Variants in COL21A1 observed in about 807,000 individuals in gnomAD.
The protein encoded by COL21A1 is collagen alpha-1(XXI) chain.
Under a neutral mutation model 137.9 loss-of-function variants are expected in COL21A1, and 149 were observed. That is an observed-to-expected ratio of 1.08 (90% confidence interval 0.95 to 1.24). The LOEUF (loss-of-function observed/expected upper bound fraction) is 1.24, where lower values mean the gene tolerates loss of function less well. Ranked by LOEUF, COL21A1 falls within the 50% of genes most tolerant of loss-of-function variation. The probability of loss-of-function intolerance (pLI) is 0.00; values close to 1 mark genes in which losing one functional copy is unlikely to be tolerated. For synonymous variants in COL21A1, 456 were observed against 391.5 expected (o/e 1.16, Z -1.95); for missense variants, 1,167 against 1,158.4 (o/e 1.01, Z -0.11).
rs1234461361 is a variant in COL21A1 at position 56,060,127 on chromosome 6, A to G, written c.2499T>C (p.Pro833=). 6.2e-7 allele frequency: 1 copy of G among 1,610,898 alleles called. No individual in the cohort carries two copies. Among genetic ancestry groups the G allele is most frequent in the African/African-American group, 1.3e-5 (1 of 74,716 alleles). The change falls in exon 28 of 30, where the codon CCT becomes CCC. Residue 833 remains proline, a synonymous_variant. Transcript: ENST00000244728. ...TGGGACCCTCTGGGCCTATCGGACC[A>G]GGTGGCCCAGGAATACCCGGGGAGC... ...QHGSPGIPGP[P]GPIGPEGPRG...
intron 1 of COL21A1, among the ~76,000 whole-genome samples, chr6:56,338,563 G>C (rs1448070205): frequency 6.6e-6 from 1 of 152,166 alleles, no homozygotes; most frequent in Non-Finnish European, 1.5e-5. Context: ...AATGGACCAA[G>C]TGAAAACTCA....
chr6:56,161,996 T>C (rs1185233416), intron 9 of COL21A1, among the ~76,000 whole-genome samples: 1 of 152,194 alleles, frequency 6.6e-6, no homozygotes, highest in East Asian at 1.9e-4. Flanking sequence ...CTCGATTTGA[T>C]GGACTTCTGC....
At chr6:56,166,146 T>C (rs1776566759) in intron 7 of COL21A1, among the ~76,000 whole-genome samples, 3 of 152,048 alleles carry the variant, frequency 2.0e-5, no homozygotes, top group Admixed American at 2.0e-4. Context: ...GAAAAATAAT[T>C]ATTTCTTGCT....
chr6:56,271,559 G>A (rs1442715261), intron 1 of COL21A1, among the ~76,000 whole-genome samples: 1 of 152,228 alleles, frequency 6.6e-6, no homozygotes, highest in Non-Finnish European at 1.5e-5. Flanking sequence ...TTTCTGGGGA[G>A]GAATTCAAGC....
intron 16 of COL21A1, among the ~76,000 whole-genome samples, chr6:56,104,598 GA>G (rs35691156): frequency 6.6e-6 from 1 of 152,024 alleles, no homozygotes; most frequent in African/African-American, 2.4e-5. Context: ...TTTGGCATTT[GA>G]AAAAGTATAA....
intron 16 of COL21A1, among the ~76,000 whole-genome samples, chr6:56,103,866 C>T (rs929591724): frequency 5.3e-5 from 8 of 152,078 alleles, no homozygotes; most frequent in Non-Finnish European, 1.0e-4. Context: ...TCTGGGGCAA[C>T]CCCTGGAATC....
At chr6:56,169,517 C>T (rs568147428) in intron 5 of COL21A1, among the ~76,000 whole-genome samples, 1 of 151,938 alleles carries the variant, frequency 6.6e-6, no homozygotes, top group South Asian at 2.1e-4. Flanking sequence ...GGGCTTACAC[C>T]TAGATAGCTT....
intron 1 of COL21A1, among the ~76,000 whole-genome samples, chr6:56,376,892 C>T (rs1355613264): frequency 7.5e-6 from 1 of 134,134 alleles, no homozygotes; most frequent in African/African-American, 2.8e-5. Flanking sequence ...AAATCACCTT[C>T]ATAAGAACCA....
intron 1 of COL21A1, among the ~76,000 whole-genome samples, chr6:56,269,413 T>C (rs1312395444): frequency 2.6e-5 from 4 of 151,952 alleles, no homozygotes; most frequent in African/African-American, 9.7e-5. Context: ...CCCAGCACTT[T>C]GGGAGGCCGA....
intron 1 of COL21A1, among the ~76,000 whole-genome samples, chr6:56,341,869 A>G (rs1206095470): frequency 3.3e-5 from 5 of 152,204 alleles, no homozygotes; most frequent in Non-Finnish European, 7.3e-5. Flanking sequence ...CAATTTTGCT[A>G]TGAATGTTAA....
At chr6:56,085,892 C>A (rs1233951201) in intron 17 of COL21A1, among the ~76,000 whole-genome samples, 1 of 148,750 alleles carries the variant, frequency 6.7e-6, no homozygotes, top group East Asian at 1.9e-4. Context: ...AAGAGAGTAT[C>A]ATTTATTTAT....
intron 1 of COL21A1, among the ~76,000 whole-genome samples, chr6:56,367,331 T>C (rs895062002): frequency 1.3e-5 from 2 of 152,224 alleles, no homozygotes; most frequent in African/African-American, 2.4e-5. Context: ...CTGATTGGTC[T>C]GAACCAACTA....
chr6:56,264,557 C>A (rs1215548941), intron 1 of COL21A1, among the ~76,000 whole-genome samples: 3 of 152,180 alleles, frequency 2.0e-5, no homozygotes, highest in African/African-American at 7.2e-5. Flanking sequence ...TTACATGACT[C>A]ACAAATTTAT....
chr6:56,219,699 A>G (rs1038271405), intron 1 of COL21A1, among the ~76,000 whole-genome samples: 1 of 152,184 alleles, frequency 6.6e-6, no homozygotes, highest in African/African-American at 2.4e-5. Context: ...CACATCAATT[A>G]TCATTCGTGA....
rs1203644920 is a variant in COL21A1, at chr6:56,171,101, AC to A, written c.667del (p.Val223TrpfsTer13). 1.2e-6 allele frequency: 2 copies of A among 1,606,656 alleles called. No individual in the cohort carries two copies. Among genetic ancestry groups the A allele is most frequent in the African/African-American group, 2.7e-5 (2 of 74,490 alleles). On this transcript the variant is annotated frameshift_variant, in exon 4 of 30. Transcript: ENST00000244728. LOFTEE classifies it high-confidence loss of function. ...EESVCPTRIP[V>X]AARDERGFDI... ...AAATCCCCTTTCATCACGAGCTGCC[AC>A]TGGAATTCGTGTTGGACAGACAGAT...
intron 1 of COL21A1, among the ~76,000 whole-genome samples, chr6:56,213,607 G>T (rs143446030): frequency 6.6e-6 from 1 of 151,996 alleles, no homozygotes; most frequent in East Asian, 1.9e-4. Context: ...CATATATGAG[G>T]TTAAATAATA....
At chr6:56,175,944 T>C (rs1777435386) in intron 3 of COL21A1, among the ~76,000 whole-genome samples, 1 of 151,894 alleles carries the variant, frequency 6.6e-6, no homozygotes, top group African/African-American at 2.4e-5. Flanking sequence ...TATAGACAAA[T>C]GGAACAGAAT....
chr6:56,287,591 G>C (rs1257203960), intron 1 of COL21A1, among the ~76,000 whole-genome samples: 1 of 151,990 alleles, frequency 6.6e-6, no homozygotes, highest in Non-Finnish European at 1.5e-5. Flanking sequence ...CCTTTACCAT[G>C]ATTGTAAGTT....
At chr6:56,115,671 A>G (rs928668064) in intron 16 of COL21A1, among the ~76,000 whole-genome samples, 4 of 152,186 alleles carry the variant, frequency 2.6e-5, no homozygotes, top group Non-Finnish European at 4.4e-5. Flanking sequence ...CACCAAATCA[A>G]CTAAGTAAGA....
Sources: allele counts gnomAD v4.1 joint callset (sites outside exome capture counted in the v4.1 genomes callset), GRCh38; gene constraint gnomAD v4.1.1; transcripts MANE v1.5; gene names NCBI Gene and HGNC (gene_info 2026-07-23, HGNC 2026-07-21).